Variants in SATB2 observed in about 807,000 individuals in gnomAD.
SATB2 encodes DNA-binding protein SATB2.
SATB2 carries 1 observed loss-of-function variant against 73.4 expected under a neutral mutation model. The observed-to-expected ratio is 0.01, with a 90% CI of 0.00 to 0.06. The LOEUF is 0.06. Ranked by LOEUF, SATB2 falls within the 10% of genes least tolerant of loss-of-function variation. SATB2 has a pLI of 1.00. For synonymous variants in SATB2, 397 were observed against 367.0 expected (o/e 1.08, Z -0.93); for missense variants, 459 against 945.8 (o/e 0.49, Z 6.75).
chr2:199,361,454 T>C (rs1346806696), intron 6 of SATB2, among the ~76,000 whole-genome samples: 2 of 151,842 alleles, frequency 1.3e-5, no homozygotes, highest in Non-Finnish European at 2.9e-5. Context: ...TTTCCGTCAA[T>C]TACTGCAATA....
Position 199,271,257 on chromosome 2 carries a change from C to A in SATB2, c.*954G>T, listed in dbSNP as rs552950459. On this transcript the variant is annotated 3_prime_UTR_variant, in exon 11 of 11. Coordinates refer to ENST00000417098, the MANE Select transcript of SATB2 (RefSeq NM_001172509.2). ...GTCCAATGTCAAAATGTCATTTGAT[C>A]AAGACTTGCACTAGTGGACAAAGTT... 3.9e-5 allele frequency: 6 copies of A among 152,750 alleles called. No individual in the cohort carries two copies. In the East Asian group the frequency reaches 1.1e-3, roughly 29 times the overall value. The allele number at this position is 152,750 out of a possible 1,614,324, so 9.5% of individuals were successfully genotyped here.
chr2:199,300,094 A>T (rs1435802623), intron 10 of SATB2, among the ~76,000 whole-genome samples: 1 of 151,992 alleles, frequency 6.6e-6, no homozygotes, highest in African/African-American at 2.4e-5. Context: ...CCTTTCACAA[A>T]ATGTACTAGT....
intron 1 of SATB2, among the ~76,000 whole-genome samples, chr2:199,456,851 T>C (rs1250792693): frequency 6.6e-6 from 1 of 151,996 alleles, no homozygotes; most frequent in African/African-American, 2.4e-5. Flanking sequence ...GAATTCTTAG[T>C]GCAAGAGCAG....
At chr2:199,281,878 CTCTCT>C (rs1186581633) in intron 10 of SATB2, among the ~76,000 whole-genome samples, 54 of 125,624 alleles carry the variant, frequency 4.3e-4, no homozygotes, top group South Asian at 8.2e-4. Context: ...TCCATATTCT[CTCTCT>C]TTTTTTTTTT....
intron 9 of SATB2, among the ~76,000 whole-genome samples, chr2:199,315,164 TTCTC>T (rs533442354): frequency 6.6e-6 from 1 of 152,086 alleles, no homozygotes; most frequent in Admixed American, 6.6e-5. Context: ...CCACTTTCTT[TTCTC>T]TCTCTGTGTG....
At chr2:199,380,302 C>A in intron 5 of SATB2, 62 bp downstream of exon 5, 2 of 1,602,102 alleles carry the variant, frequency 1.2e-6, no homozygotes, top group Non-Finnish European at 1.7e-6. Flanking sequence ...GAAGGAACCC[C>A]CTGATAGAGA....
intron 3 of SATB2, among the ~76,000 whole-genome samples, chr2:199,389,566 C>A (rs557113288): frequency 6.6e-6 from 1 of 152,090 alleles, no homozygotes; most frequent in Non-Finnish European, 1.5e-5. Context: ...CATATACTGT[C>A]ATATGAATTT....
At position 199,429,647 on chromosome 2, in the gene SATB2, C is replaced by A. The variant is rs1027664071; in HGVS notation, c.346+3691G>T. On this transcript the variant is annotated intron_variant, in intron 3 of 10. Transcript: ENST00000417098. Reference sequence around the variant, plus strand: ...ATTGTCGGCCAGGCACGGAGGCTCACGCCTGTAATCCCAACACTTTGGGAG... The same window carrying A: ...ATTGTCGGCCAGGCACGGAGGCTCAAGCCTGTAATCCCAACACTTTGGGAG... 2.6e-5 allele frequency among the ~76,000 whole-genome samples: 4 copies of A among 152,214 alleles called. No individual in the cohort carries two copies. In the South Asian group the frequency reaches 8.3e-4, roughly 32 times the overall value.
At chr2:199,365,194 T>C (rs929065055) in intron 6 of SATB2, among the ~76,000 whole-genome samples, 1 of 152,114 alleles carries the variant, frequency 6.6e-6, no homozygotes, top group Admixed American at 6.6e-5. Context: ...GTCTTTTTTC[T>C]TTGCTTTTAG....
At chr2:199,355,342 G>GTATATATATATATATA (rs1249092587) in intron 6 of SATB2, among the ~76,000 whole-genome samples, 2 of 5,422 alleles carry the variant, frequency 3.7e-4, no homozygotes, top group Admixed American at 8.5e-3. Flanking sequence ...GTGTGTGTGT[G>GTATATATATATATATA]TGTATCTATA....
chr2:199,342,790 G>A (rs1688544211), intron 7 of SATB2, among the ~76,000 whole-genome samples: 1 of 152,146 alleles, frequency 6.6e-6, no homozygotes, highest in Admixed American at 6.6e-5. Flanking sequence ...AGTGTGGATA[G>A]GGCATCATTT....
intron 6 of SATB2, among the ~76,000 whole-genome samples, chr2:199,365,428 A>G (rs1689255307): frequency 6.6e-6 from 1 of 152,124 alleles, no homozygotes; most frequent in Non-Finnish European, 1.5e-5. Context: ...GAGTATACAC[A>G]CTGTCTCCCT....
At chr2:199,366,148 C>G (rs1221904499) in intron 6 of SATB2, among the ~76,000 whole-genome samples, 1 of 152,014 alleles carries the variant, frequency 6.6e-6, no homozygotes, top group East Asian at 1.9e-4. Flanking sequence ...AAATTGGTAA[C>G]TTTGAGGCAG....
At chr2:199,441,221 G>T (rs1691808231) in intron 2 of SATB2, among the ~76,000 whole-genome samples, 1 of 152,016 alleles carries the variant, frequency 6.6e-6, no homozygotes, top group African/African-American at 2.4e-5. Context: ...TGACCCAGGT[G>T]CAACTCAGGA....
intron 3 of SATB2, among the ~76,000 whole-genome samples, chr2:199,431,566 T>A (rs1422416135): frequency 6.6e-6 from 1 of 152,222 alleles, no homozygotes; most frequent in African/African-American, 2.4e-5. Context: ...AGGACGCAAA[T>A]AATCACTTTT....
intron 3 of SATB2, among the ~76,000 whole-genome samples, chr2:199,410,592 T>C (rs1024820335): frequency 2.0e-5 from 3 of 152,236 alleles, no homozygotes; most frequent in Admixed American, 1.3e-4. Flanking sequence ...ATCTCCAATC[T>C]TGAGGTGAGA....
At chr2:199,299,028 C>A (rs1367194686) in intron 10 of SATB2, among the ~76,000 whole-genome samples, 1 of 152,140 alleles carries the variant, frequency 6.6e-6, no homozygotes, top group African/African-American at 2.4e-5. Context: ...TAAAGGCACA[C>A]CAAATGAGCC....
intron 3 of SATB2, among the ~76,000 whole-genome samples, chr2:199,410,034 A>C (rs1690764930): frequency 6.6e-6 from 1 of 152,154 alleles, no homozygotes; most frequent in Admixed American, 6.5e-5. Context: ...CACAGCCCAG[A>C]GTGATTAATA....
At chr2:199,458,711 G>A (rs1484686619), upstream of SATB2, 8 of 440,032 alleles carry the variant, frequency 1.8e-5, no homozygotes, top group Non-Finnish European at 3.6e-5. Context: ...TAACTGCGCG[G>A]AGTACTTTCG....
Sources: allele counts gnomAD v4.1 joint callset (sites outside exome capture counted in the v4.1 genomes callset), GRCh38; gene constraint gnomAD v4.1.1; transcripts MANE v1.5; gene names NCBI Gene and HGNC (gene_info 2026-07-23, HGNC 2026-07-21).